PRMT7: variants seen among roughly 807,000 people sequenced by gnomAD.
PRMT7 encodes the protein protein arginine methyltransferase 7.
PRMT7 carries 75 observed loss-of-function variants against 85.4 expected under a neutral mutation model. The ratio of observed to expected loss-of-function variants is 0.88; its 90% CI spans 0.73 to 1.06. PRMT7 has a LOEUF of 1.06. PRMT7 is among the 50% of genes least tolerant of loss of function. The pLI is 0.00. For synonymous variants in PRMT7, 397 were observed against 359.5 expected, an observed-to-expected ratio of 1.10 and a Z score of -1.18; for missense variants, 868 against 915.2, an observed-to-expected ratio of 0.95 and a Z score of 0.67.
intron 3 of PRMT7, among the ~76,000 whole-genome samples, chr16:68,319,705 A>AGAGTGTGTGT (rs1268725611): frequency 9.8e-5 from 5 of 50,766 alleles, no homozygotes; most frequent in Non-Finnish European, 1.9e-4. Flanking sequence ...TCTCAATAAG[A>AGAGTGTGTGT]GTGAGAGTGT....
chr16:68,312,221 ATATATATAT>A (rs1187119042), intron 2 of PRMT7, 45 bp downstream of exon 2: 2 of 41,700 alleles, frequency 4.8e-5, no homozygotes, highest in African/African-American at 1.4e-4. Context: ...ATATATATAT[ATATATATAT>A]TTTTTTTTTT....
intron 13 of PRMT7, 60 bp from the exon 14 acceptor site, chr16:68,348,282 T>A (rs2086704791): frequency 7.3e-7 from 1 of 1,369,664 alleles, no homozygotes; most frequent in South Asian, 1.3e-5. Context: ...GAGATTTTTT[T>A]TTCCTGACAA....
rs1033618060 is a variant in PRMT7, at chr16:68,357,462, C to G, written c.*238C>G. On this transcript the variant is annotated 3_prime_UTR_variant, in exon 19 of 19. Coordinates refer to ENST00000441236, the MANE Select transcript of PRMT7 (RefSeq NM_019023.5). ...GAGCCCTGGAGGGGCTGGGAAGACC[C>G]CCCTGCTTGTGCTTCTGAGGTGCTG... 10 of 499,388 alleles carry G rather than the reference C, an allele frequency of 2.0e-5. No individual in the cohort carries two copies. The highest frequency in any genetic ancestry group is 3.2e-5 in the Non-Finnish European group (9 of 285,416). The allele number at this position is 499,388 out of a possible 1,614,324, so 30.9% of individuals were successfully genotyped here. A position where few individuals can be genotyped will look rare whatever the true frequency, so the allele number is the denominator to read the frequency against.
intron 16 of PRMT7, 138 bp from the exon 17 acceptor site, chr16:68,355,577 GCCGCTGGT>G: frequency 1.3e-6 from 1 of 784,286 alleles, no homozygotes; most frequent in Non-Finnish European, 1.8e-6. Context: ...GAGAGGGGGC[GCCGCTGGT>G]CTGCTGGGCG....
chr16:68,324,268 T>C (rs1428677958), intron 4 of PRMT7: 6 of 181,448 alleles, frequency 3.3e-5, no homozygotes, highest in Admixed American at 2.3e-4. Context: ...TATGGGATCA[T>C]TGGGAAAAGT....
At chr16:68,355,905 G>C (rs1186305938) in intron 17 of PRMT7, 22 bp downstream of exon 17, 1 of 1,536,224 alleles carries the variant, frequency 6.5e-7, no homozygotes, top group South Asian at 1.2e-5. Flanking sequence ...GAGGGCTGGG[G>C]GGCAGGGAGG....
chr16:68,356,481 G>A (rs375537187), intron 17 of PRMT7, among the ~76,000 whole-genome samples: 2 of 152,258 alleles, frequency 1.3e-5, no homozygotes, highest in South Asian at 2.1e-4. Context: ...TGTGTGGCCC[G>A]GCTGCAGGGC....
chr16:68,332,004 T>G (rs1358248015), intron 6 of PRMT7, among the ~76,000 whole-genome samples: 1 of 152,248 alleles, frequency 6.6e-6, no homozygotes, highest in Non-Finnish European at 1.5e-5. Flanking sequence ...CCATTTTTGT[T>G]TGGATGCTGT....
intron 2 of PRMT7, 44 bp from the exon 3 acceptor site, chr16:68,315,853 G>T (rs531776040): frequency 3.2e-5 from 24 of 760,770 alleles, no homozygotes; most frequent in Admixed American, 1.8e-4. Context: ...TTTTTTTTCT[G>T]TTCGTTTGTT....
chr16:68,346,471 G>T (rs2151830824), intron 11 of PRMT7, among the ~76,000 whole-genome samples, 191 bp downstream of exon 11: 1 of 152,300 alleles, frequency 6.6e-6, no homozygotes, highest in East Asian at 1.9e-4. Context: ...CTTCCTGAGG[G>T]CTTGCTCTCT....
chr16:68,337,206 TACAGTAAAC>T (rs2084825532), intron 6 of PRMT7, among the ~76,000 whole-genome samples: 1 of 152,172 alleles, frequency 6.6e-6, no homozygotes, highest in African/African-American at 2.4e-5. Context: ...GTAAGAGCAG[TACAGTAAAC>T]ACTTATGATC....
intron 17 of PRMT7, among the ~76,000 whole-genome samples, chr16:68,356,421 G>T (rs1286608682): frequency 6.6e-6 from 1 of 152,258 alleles, no homozygotes; most frequent in South Asian, 2.1e-4. Flanking sequence ...TCAGTGCCAG[G>T]CTGTGCCTCA....
intron 6 of PRMT7, among the ~76,000 whole-genome samples, chr16:68,331,329 A>C (rs1414355574): frequency 1.3e-5 from 2 of 152,154 alleles, no homozygotes; most frequent in East Asian, 3.8e-4. Flanking sequence ...TAGATGTACC[A>C]TAACTTGTTT....
At chr16:68,320,786 A>G (rs1343255585) in intron 3 of PRMT7, among the ~76,000 whole-genome samples, 1 of 152,150 alleles carries the variant, frequency 6.6e-6, no homozygotes, top group African/African-American at 2.4e-5. Flanking sequence ...GCACTAGAGA[A>G]TAACAGCTTG....
intron 4 of PRMT7, chr16:68,321,762 C>T (rs991638289): frequency 7.3e-5 from 20 of 274,770 alleles, no homozygotes; most frequent in Admixed American, 6.8e-4. Flanking sequence ...ACAAATCTAC[C>T]GCCTCATACT....
rs1835557911 is a variant in PRMT7, at chr16:68,347,285, G to T, written c.1266G>T (p.Gly422=). The change falls in exon 12 of 19, where the codon GGG becomes GGT. Residue 422 remains glycine, a synonymous_variant. Transcript: ENST00000441236. ...SLLSVLAHHL[G]VEQVFTVESS... ...TCTCCGTGCTGGCCCATCACCTGGG[G>T]GTGGAGCAGGTACTGACATGCACCC... 1 of 1,545,746 alleles carries T rather than the reference G, an allele frequency of 6.5e-7. No homozygotes were observed. Among genetic ancestry groups the T allele is most frequent in the Non-Finnish European group, 8.8e-7 (1 of 1,142,436 alleles).
In PRMT7 at chr16:68,355,743, G is replaced by A; in HGVS notation, c.1671G>A (p.Glu557=). ...CGCAGCGTGCCCTGGACTTCAGGGA[G>A]AGCAGGGAAGCTGAGCCCCACCCGC... ...DMIKRALDFR[E]SREAEPHPLW... is the part of the protein sequence containing the mutation. Residue 557 remains glutamate (E), a synonymous_variant, in exon 17 of 19, where the codon GAG becomes GAA. Coordinates refer to ENST00000441236, the MANE Select transcript of PRMT7 (RefSeq NM_019023.5). 6.2e-7 allele frequency: 1 copy of A among 1,606,204 alleles called. No individual in the cohort carries two copies.
intron 6 of PRMT7, among the ~76,000 whole-genome samples, chr16:68,335,639 C>T (rs2084560479): frequency 6.6e-6 from 1 of 151,762 alleles, no homozygotes; most frequent in African/African-American, 2.4e-5. Flanking sequence ...AGACAGAGCC[C>T]ATTCACCCGT....
In PRMT7 at chr16:68,346,603, T is replaced by G. The variant is rs1597420959; in HGVS notation, c.1191+323T>G. 1.3e-5 allele frequency among the ~76,000 whole-genome samples: 2 copies of G among 152,134 alleles called. 1 individual carries two copies. Among genetic ancestry groups the G allele is most frequent in the South Asian group, 4.2e-4 (2 of 4,816 alleles). On this transcript the variant is annotated intron_variant, in intron 11 of 18. Transcript: ENST00000441236. ...CCCCTCTTTTCATGTGTTGTCACCT[T>G]TCTAAAATTTTCTAAGATGTAAATC...
Sources: gnomAD v4.1 joint callset for allele counts (sites outside exome capture counted in the v4.1 genomes callset) on GRCh38, gnomAD v4.1.1 for gene constraint, MANE v1.5 for transcripts, NCBI Gene and HGNC (gene_info 2026-07-23, HGNC 2026-07-21) for gene names.